Variants in GRIK2 observed in about 807,000 individuals in gnomAD.
GRIK2 encodes glutamate receptor ionotropic, kainate 2.
In GRIK2, 32 loss-of-function variants were observed where a neutral mutation model predicts 100.3. The observed-to-expected ratio is 0.32, with a 90% CI of 0.24 to 0.43. The LOEUF (loss-of-function observed/expected upper bound fraction) is 0.43. Ranked by LOEUF, GRIK2 falls within the 20% of genes least tolerant of loss-of-function variation. The pLI is 1.00. For synonymous variants in GRIK2, 417 were observed against 389.4 expected (o/e 1.07, Z -0.83); for missense variants, 843 against 1,114.9 (o/e 0.76, Z 3.47).
At chr6:101,445,305 A>G (rs1215867974) in intron 2 of GRIK2, among the ~76,000 whole-genome samples, 3 of 152,094 alleles carry the variant, frequency 2.0e-5, no homozygotes, top group African/African-American at 7.2e-5. Context: ...GCTTCAGCCA[A>G]TCTGAGCTTC....
intron 4 of GRIK2, among the ~76,000 whole-genome samples, chr6:101,652,776 G>T (rs1388526202): frequency 6.6e-6 from 1 of 152,160 alleles, no homozygotes; most frequent in Non-Finnish European, 1.5e-5. Flanking sequence ...TAGCAAAGCG[G>T]TTTCCTCAAA....
chr6:101,858,106 G>C (rs1784525211), intron 10 of GRIK2, among the ~76,000 whole-genome samples: 1 of 152,056 alleles, frequency 6.6e-6, no homozygotes, highest in African/African-American at 2.4e-5. Context: ...ACTTAATTTT[G>C]TCTTCTCTTA....
At chr6:101,773,495 GA>G (rs910994228) in intron 7 of GRIK2, among the ~76,000 whole-genome samples, 153 of 133,146 alleles carry the variant, frequency 1.1e-3, no homozygotes, top group African/African-American at 4.2e-3. Context: ...AAAAAAAAAG[GA>G]AAAAAAAAAC....
At chr6:101,756,045 G>T (rs1385139930) in intron 7 of GRIK2, among the ~76,000 whole-genome samples, 23 of 152,076 alleles carry the variant, frequency 1.5e-4, no homozygotes, top group Admixed American at 1.4e-3. Flanking sequence ...TTTATAGGTG[G>T]TATAAAACTC....
In GRIK2 at chr6:102,010,678, G is replaced by A. The variant is rs185711487; in HGVS notation, c.2086-24663G>A. On this transcript the variant is annotated intron_variant, in intron 14 of 16. Coordinates refer to ENST00000369134, the MANE Select transcript of GRIK2 (RefSeq NM_021956.5). ...GATTACAGGCGTGAGACACTGCACC[G>A]GGCCCCCTCCCTTCTTCTTAACCCA... Among the ~76,000 whole-genome samples the A allele has an allele frequency of 4.2e-4, 63 of 151,244 alleles. 1 individual carries two copies. The highest frequency in any genetic ancestry group is 1.5e-3 in the African/African-American group (60 of 41,260).
Position 101,944,034 on chromosome 6 carries a change from G to A in GRIK2, c.2085+15402G>A, listed in dbSNP as rs548435129. On this transcript the variant is annotated intron_variant, in intron 14 of 16. Transcript: ENST00000369134. Reference sequence around the variant, plus strand: ...CAGGAGGTGATTGGCTCATGAGGGCGGTTTTTAATGGTTTAGCACCGTCCT... The same window carrying A: ...CAGGAGGTGATTGGCTCATGAGGGCAGTTTTTAATGGTTTAGCACCGTCCT... Among the ~76,000 whole-genome samples, 48 of 152,072 alleles carry A rather than the reference G, an allele frequency of 3.2e-4. No individual in the cohort carries two copies. In the South Asian group the frequency reaches 7.1e-3, roughly 22 times the overall value.
chr6:101,541,238 A>T (rs952783411), intron 2 of GRIK2, among the ~76,000 whole-genome samples: 1 of 152,026 alleles, frequency 6.6e-6, no homozygotes, highest in African/African-American at 2.4e-5. Flanking sequence ...AGAACCAAGC[A>T]CTATGACTTC....
At chr6:101,786,430 G>A (rs149935207) in intron 7 of GRIK2, among the ~76,000 whole-genome samples, 1 of 152,084 alleles carries the variant, frequency 6.6e-6, no homozygotes, top group East Asian at 1.9e-4. Flanking sequence ...TTATTTGTAG[G>A]TGTGTCATAT....
chr6:101,805,213 T>C (rs1183299920), intron 9 of GRIK2, among the ~76,000 whole-genome samples: 1 of 151,664 alleles, frequency 6.6e-6, no homozygotes, highest in Admixed American at 6.6e-5. Context: ...GGCCAATAGA[T>C]GGTGATCCAA....
chr6:101,875,798 A>G (rs1047653208), intron 11 of GRIK2, among the ~76,000 whole-genome samples: 5 of 151,950 alleles, frequency 3.3e-5, no homozygotes, highest in African/African-American at 1.2e-4. Context: ...TCCAAACAAT[A>G]CAAGGACCTT....
intron 7 of GRIK2, among the ~76,000 whole-genome samples, chr6:101,740,615 C>T (rs751455116): frequency 1.4e-4 from 22 of 152,066 alleles, no homozygotes; most frequent in African/African-American, 4.8e-4. Flanking sequence ...TAAAGGAATA[C>T]CTTAGGCTAG....
At chr6:101,542,836 A>G (rs2128289305) in intron 2 of GRIK2, among the ~76,000 whole-genome samples, 1 of 152,220 alleles carries the variant, frequency 6.6e-6, no homozygotes. Context: ...CTACACCAAT[A>G]ATTATGCCCT....
chr6:101,857,942 ACACT>A (rs1367041301), intron 10 of GRIK2, among the ~76,000 whole-genome samples: 11 of 152,126 alleles, frequency 7.2e-5, no homozygotes, highest in African/African-American at 2.7e-4. Context: ...TCTTCCTGAA[ACACT>A]CCAATATTAT....
chr6:101,488,671 C>T (rs1309100585), intron 2 of GRIK2, among the ~76,000 whole-genome samples: 1 of 146,630 alleles, frequency 6.8e-6, no homozygotes, highest in Non-Finnish European at 1.5e-5. Flanking sequence ...TCCTCATCTA[C>T]AACAAATTGC....
At chr6:101,890,976 CATATATATAT>C (rs61125711) in intron 12 of GRIK2, among the ~76,000 whole-genome samples, 2,037 of 146,710 alleles carry the variant, frequency 0.014, 38 homozygotes, top group East Asian at 0.052. Flanking sequence ...ATAAAGTGTA[CATATATATAT>C]ATATATATAT....
intron 2 of GRIK2, among the ~76,000 whole-genome samples, chr6:101,492,704 A>G (rs1773197336): frequency 6.6e-6 from 1 of 152,000 alleles, no homozygotes; most frequent in Non-Finnish European, 1.5e-5. Context: ...TTAAAGACAA[A>G]TAAATTTTAT....
chr6:101,831,008 C>T lies in GRIK2; in HGVS notation c.1317+12525C>T, dbSNP rs138027446. On this transcript the variant is annotated intron_variant, in intron 10 of 16. Coordinates refer to ENST00000369134, the MANE Select transcript of GRIK2 (RefSeq NM_021956.5). ...AAAGAAAGAAAGGCTTGAAAACATC[C>T]TATTGGATACCACATTCTTGGTTGA... is the stretch of plus-strand genomic sequence containing the variant. Among the ~76,000 whole-genome samples, 565 of 152,116 alleles carry T rather than the reference C, an allele frequency of 3.7e-3. 3 individuals carry two copies. Among genetic ancestry groups the T allele is most frequent in the Non-Finnish European group, 5.5e-3 (376 of 67,946 alleles).
At chr6:101,436,613 T>C (rs1582448404) in intron 2 of GRIK2, among the ~76,000 whole-genome samples, 1 of 152,032 alleles carries the variant, frequency 6.6e-6, no homozygotes, top group Admixed American at 6.6e-5. Context: ...ATAGAGAATA[T>C]ATAATTTGGG....
chr6:101,970,611 GTGT>G (rs1359769120), intron 14 of GRIK2, among the ~76,000 whole-genome samples: 1 of 151,978 alleles, frequency 6.6e-6, no homozygotes, highest in East Asian at 1.9e-4. Context: ...TAACATCTGA[GTGT>G]TGTTCTGGCA....
Sources: allele counts gnomAD v4.1 joint callset (sites outside exome capture counted in the v4.1 genomes callset), GRCh38; gene constraint gnomAD v4.1.1; transcripts MANE v1.5; gene names NCBI Gene and HGNC (gene_info 2026-07-23, HGNC 2026-07-21).